The following UBE2E2 variants were observed in gnomAD, a reference collection of about 807,000 sequenced individuals.
UBE2E2 encodes ubiquitin conjugating enzyme E2 E2, also known as ubiquitin-conjugating enzyme E2 E2.
In UBE2E2, 6 loss-of-function variants were observed where a neutral mutation model predicts 24.7. The ratio of observed to expected loss-of-function variants is 0.24; its 90% CI spans 0.13 to 0.48. The LOEUF is 0.48. UBE2E2 is among the 20% of genes least tolerant of loss of function. The probability of loss-of-function intolerance (pLI) is 0.99; values close to 1 mark genes in which losing one functional copy is unlikely to be tolerated. For synonymous variants in UBE2E2, 104 were observed against 83.6 expected, an observed-to-expected ratio of 1.24 and a Z score of -1.33; for missense variants, 169 against 245.0, an observed-to-expected ratio of 0.69 and a Z score of 2.07.
At chr3:23,302,851 G>C (rs1472232287) in intron 3 of UBE2E2, among the ~76,000 whole-genome samples, 1 of 152,136 alleles carries the variant, frequency 6.6e-6, no homozygotes, top group African/African-American at 2.4e-5. Flanking sequence ...GCTATAGACT[G>C]CTGATCCCTG....
chr3:23,341,827 A>G (rs1288751463), intron 3 of UBE2E2, among the ~76,000 whole-genome samples: 1 of 152,200 alleles, frequency 6.6e-6, no homozygotes, highest in South Asian at 2.1e-4. Context: ...GCAGTCAGCT[A>G]GCTGTGTATC....
At chr3:23,546,271 A>T (rs11926646) in intron 5 of UBE2E2, among the ~76,000 whole-genome samples, 46,525 of 151,880 alleles carry the variant, frequency 0.31, 7,822 homozygotes, top group East Asian at 0.51. Context: ...TTTTGGAGTT[A>T]CCCTTAAAAA....
At chr3:23,429,697 G>C (rs1172917381) in intron 3 of UBE2E2, among the ~76,000 whole-genome samples, 4 of 152,090 alleles carry the variant, frequency 2.6e-5, no homozygotes, top group Non-Finnish European at 5.9e-5. Context: ...AAAGGGGCAG[G>C]GGAAAGTATA....
chr3:23,266,804 G>A (rs1157510216), intron 3 of UBE2E2, among the ~76,000 whole-genome samples: 2 of 152,156 alleles, frequency 1.3e-5, no homozygotes, highest in African/African-American at 4.8e-5. Flanking sequence ...ATAGGTGGAA[G>A]TAAAGTTCTC....
intron 5 of UBE2E2, among the ~76,000 whole-genome samples, chr3:23,538,901 A>G (rs1012895099): frequency 7.2e-5 from 11 of 152,218 alleles, no homozygotes; most frequent in African/African-American, 2.4e-4. Context: ...CCATTTCTTT[A>G]GTTGTCTTAC....
chr3:23,590,527 A>G lies in UBE2E2; in HGVS notation c.*696A>G, dbSNP rs1032789703. 5.2e-5 allele frequency: 8 copies of G among 152,630 alleles called. No individual in the cohort carries two copies. The highest frequency in any genetic ancestry group is 1.9e-4 in the African/African-American group (8 of 41,434). 9.5% of individuals were successfully genotyped at this position (152,630 alleles called of 1,614,324 possible). On this transcript the variant is annotated 3_prime_UTR_variant, in exon 6 of 6. Transcript: ENST00000396703. ...GCCACTTTTGACTGTGGATCAGTTG[A>G]TGTACACTTGTATTATTAAAGCACT...
chr3:23,265,845 A>G (rs906160446), intron 3 of UBE2E2, among the ~76,000 whole-genome samples: 5 of 152,152 alleles, frequency 3.3e-5, no homozygotes, highest in Non-Finnish European at 5.9e-5. Context: ...TTGGGTGCAT[A>G]TATATGTAGG....
intron 3 of UBE2E2, among the ~76,000 whole-genome samples, chr3:23,400,460 G>C (rs1697190930): frequency 6.6e-6 from 1 of 152,096 alleles, no homozygotes; most frequent in Non-Finnish European, 1.5e-5. Context: ...GCATGCCACT[G>C]TGCCCAGCTC....
Position 23,208,724 on chromosome 3 carries a change from G to A in UBE2E2, c.25G>A (p.Asp9Asn), listed in dbSNP as rs751150232. Reference sequence around the variant, plus strand: ...AATGTCCACTGAGGCACAAAGAGTTGATGACAGTCCAAGCACTAGTGGAGG... The same window carrying A: ...AATGTCCACTGAGGCACAAAGAGTTAATGACAGTCCAAGCACTAGTGGAGG... MSTEAQRV[D>N]DSPSTSGGSS... The change falls in exon 2 of 6, where the codon GAT (aspartate) becomes AAT (asparagine). Residue 9 changes from aspartate (D) to asparagine (N), a missense_variant. Transcript: ENST00000396703. 1 of 1,612,096 alleles carries A rather than the reference G, an allele frequency of 6.2e-7. No homozygotes were observed. Among genetic ancestry groups the A allele is most frequent in the Admixed American group, 1.7e-5 (1 of 59,636 alleles).
At chr3:23,558,886 C>A (rs1401113403) in intron 5 of UBE2E2, among the ~76,000 whole-genome samples, 1 of 152,134 alleles carries the variant, frequency 6.6e-6, no homozygotes, top group Non-Finnish European at 1.5e-5. Context: ...CATAGCAAGA[C>A]CCCATTTCTT....
chr3:23,352,050 A>G (rs1043205417), intron 3 of UBE2E2, among the ~76,000 whole-genome samples: 15 of 152,344 alleles, frequency 9.8e-5, no homozygotes, highest in African/African-American at 3.6e-4. Context: ...ACCTCAGTGC[A>G]ATCAAACTAG....
At chr3:23,388,154 T>C (rs1360813099) in intron 3 of UBE2E2, among the ~76,000 whole-genome samples, 2 of 152,232 alleles carry the variant, frequency 1.3e-5, no homozygotes, top group Admixed American at 6.5e-5. Context: ...GCAATACTGT[T>C]CTTTGCAGTA....
At chr3:23,447,138 T>A (rs1017022527) in intron 3 of UBE2E2, among the ~76,000 whole-genome samples, 3 of 152,190 alleles carry the variant, frequency 2.0e-5, no homozygotes, top group Admixed American at 6.6e-5. Flanking sequence ...AGTAGTAGTT[T>A]TATATTAATT....
chr3:23,354,256 A>C lies in UBE2E2; in HGVS notation c.227+136944A>C, dbSNP rs530193893. On this transcript the variant is annotated intron_variant, in intron 3 of 5. Coordinates refer to ENST00000396703, the MANE Select transcript of UBE2E2 (RefSeq NM_152653.4). ...TTAATTCAAGATGGATTAAAGACTT[A>C]AACATTAGACCTAAAACCATAAAAA... Among the ~76,000 whole-genome samples, 36 of 152,292 alleles carry C rather than the reference A, an allele frequency of 2.4e-4. 1 individual carries two copies. Among genetic ancestry groups the C allele is most frequent in the Admixed American group, 2.0e-3 (31 of 15,300 alleles).
At chr3:23,209,124 C>T (rs964164524) in intron 2 of UBE2E2, among the ~76,000 whole-genome samples, 1 of 152,108 alleles carries the variant, frequency 6.6e-6, no homozygotes, top group African/African-American at 2.4e-5. Flanking sequence ...TATGTATTAT[C>T]AGGGAAACAT....
chr3:23,494,125 T>C (rs1240450360), intron 3 of UBE2E2, among the ~76,000 whole-genome samples: 1 of 152,232 alleles, frequency 6.6e-6, no homozygotes, highest in Non-Finnish European at 1.5e-5. Context: ...TGCTCTGTAC[T>C]GCAAGTGTCC....
intron 4 of UBE2E2, among the ~76,000 whole-genome samples, chr3:23,519,493 A>G (rs1382910424): frequency 6.6e-6 from 1 of 152,192 alleles, no homozygotes; most frequent in South Asian, 2.1e-4. Flanking sequence ...TTCTGCATAG[A>G]TGTTTAAACA....
At chr3:23,556,387 C>T (rs1163687149) in intron 5 of UBE2E2, among the ~76,000 whole-genome samples, 1 of 146,280 alleles carries the variant, frequency 6.8e-6, no homozygotes, top group Non-Finnish European at 1.5e-5. Context: ...ATGATCCACC[C>T]GCCTCGACCT....
chr3:23,413,941 G>A (rs888168927), intron 3 of UBE2E2, among the ~76,000 whole-genome samples: 1 of 152,150 alleles, frequency 6.6e-6, no homozygotes, highest in Admixed American at 6.5e-5. Context: ...CTATATATCT[G>A]TATATCTTGG....
Sources: allele counts gnomAD v4.1 joint callset (sites outside exome capture counted in the v4.1 genomes callset), GRCh38; gene constraint gnomAD v4.1.1; transcripts MANE v1.5; gene names NCBI Gene and HGNC (gene_info 2026-07-23, HGNC 2026-07-21).